CPA6: variants seen among roughly 807,000 people sequenced by gnomAD.
The protein encoded by CPA6 is carboxypeptidase B.
CPA6 carries 58 observed loss-of-function variants against 63.3 expected under a neutral mutation model. That is an observed-to-expected ratio of 0.92 (90% CI 0.74 to 1.14). The LOEUF (loss-of-function observed/expected upper bound fraction) is 1.14, where lower values mean the gene tolerates loss of function less well. CPA6 is among the 50% of genes most tolerant of loss of function. CPA6 has a pLI of 0.00. For missense variants in CPA6, 565 were observed against 526.6 expected (o/e 1.07, Z -0.71); for synonymous variants, 185 against 179.0 (o/e 1.03, Z -0.27).
rs898135510 is a variant in CPA6, at chr8:67,577,008, C to T, written c.192+47168G>A. ...CCTCCCCAGTAGCTGGAATTACAGG[C>T]GCCTGCTACCACACCTGGCTAATTT... is the stretch of plus-strand genomic sequence containing the variant. On this transcript the variant is annotated intron_variant, in intron 2 of 10. Coordinates refer to ENST00000297770, the MANE Select transcript of CPA6 (RefSeq NM_020361.5). Among the ~76,000 whole-genome samples the T allele has an allele frequency of 4.6e-5, 7 of 152,036 alleles. 1 individual carries two copies. The highest frequency in any genetic ancestry group is 5.9e-5 in the Non-Finnish European group (4 of 68,014).
intron 2 of CPA6, among the ~76,000 whole-genome samples, chr8:67,568,199 T>C (rs572794813): frequency 6.6e-6 from 1 of 152,200 alleles, no homozygotes; most frequent in South Asian, 2.1e-4. Flanking sequence ...AAGTTGGCTT[T>C]CTCTATAAAG....
chr8:67,520,803 T>C (rs1298708227), intron 2 of CPA6, among the ~76,000 whole-genome samples: 3 of 152,274 alleles, frequency 2.0e-5, no homozygotes, highest in Non-Finnish European at 4.4e-5. Context: ...CGTAATTTAC[T>C]GACCCAGTTC....
At chr8:67,724,416 T>A (rs1208902232) in intron 1 of CPA6, among the ~76,000 whole-genome samples, 1 of 152,216 alleles carries the variant, frequency 6.6e-6, no homozygotes, top group Non-Finnish European at 1.5e-5. Flanking sequence ...AGCAGCTCAA[T>A]GCTTCTTGAA....
At chr8:67,470,654 T>C (rs1027898380) in intron 8 of CPA6, among the ~76,000 whole-genome samples, 1 of 152,220 alleles carries the variant, frequency 6.6e-6, no homozygotes, top group African/African-American at 2.4e-5. Flanking sequence ...GAAGTGTTTA[T>C]ATAAAAACGA....
At chr8:67,734,236 G>A (rs73254268) in intron 1 of CPA6, among the ~76,000 whole-genome samples, 173 of 151,792 alleles carry the variant, frequency 1.1e-3, no homozygotes, top group Non-Finnish European at 1.7e-3. Flanking sequence ...CAGGCATTGG[G>A]GGGAGCAAAC....
At chr8:67,664,971 T>C (rs1256236321) in intron 1 of CPA6, among the ~76,000 whole-genome samples, 2 of 152,134 alleles carry the variant, frequency 1.3e-5, no homozygotes. Flanking sequence ...ACCTAGGTAC[T>C]ACCTAGGAAA....
chr8:67,607,246 CTT>C (rs1564021518), intron 2 of CPA6, among the ~76,000 whole-genome samples: 13 of 115,556 alleles, frequency 1.1e-4, no homozygotes, highest in Non-Finnish European at 1.2e-4. Flanking sequence ...TCTTCTTCTT[CTT>C]CTTCTCCTCC....
At chr8:67,546,561 C>T (rs1376621988) in intron 2 of CPA6, among the ~76,000 whole-genome samples, 2 of 152,122 alleles carry the variant, frequency 1.3e-5, no homozygotes, top group African/African-American at 2.4e-5. Flanking sequence ...TTCTTGTATA[C>T]CACTGTTTCT....
intron 2 of CPA6, among the ~76,000 whole-genome samples, chr8:67,557,816 A>G (rs1291190445): frequency 6.6e-6 from 1 of 152,204 alleles, no homozygotes; most frequent in Admixed American, 6.5e-5. Flanking sequence ...AATTTTCAGG[A>G]GAAACTAGCC....
chr8:67,736,782 T>C (rs371437478), intron 1 of CPA6, among the ~76,000 whole-genome samples: 4 of 152,346 alleles, frequency 2.6e-5, no homozygotes, highest in South Asian at 4.1e-4. Flanking sequence ...CTGGGCACTT[T>C]ATAGGCAGCT....
Position 67,625,242 on chromosome 8 carries a change from A to C in CPA6, c.117-991T>G, listed in dbSNP as rs141740183. On this transcript the variant is annotated intron_variant, in intron 1 of 10. Coordinates refer to ENST00000297770, the MANE Select transcript of CPA6 (RefSeq NM_020361.5). The stretch of plus-strand genomic sequence containing the variant: ...CTCAGATAAAACAAATATAAGTTTC[A>C]ATCTTTAAGACCAGAAGAATCCACC... 3.7e-3 allele frequency among the ~76,000 whole-genome samples: 566 copies of C among 152,292 alleles called. 3 individuals carry two copies. The highest frequency in any genetic ancestry group is 0.013 in the African/African-American group (522 of 41,564).
intron 8 of CPA6, among the ~76,000 whole-genome samples, chr8:67,480,575 T>C (rs1041340408): frequency 5.3e-5 from 8 of 152,352 alleles, no homozygotes; most frequent in Admixed American, 4.6e-4. Flanking sequence ...CATCAGTTGA[T>C]AGACATTTGG....
intron 2 of CPA6, among the ~76,000 whole-genome samples, chr8:67,596,985 T>A (rs188381663): frequency 6.6e-6 from 1 of 152,212 alleles, no homozygotes; most frequent in Non-Finnish European, 1.5e-5. Context: ...GGTACTGACT[T>A]ATCCTATTAT....
intron 8 of CPA6, among the ~76,000 whole-genome samples, chr8:67,439,585 G>A (rs1483005830): frequency 1.5e-5 from 2 of 133,210 alleles, no homozygotes; most frequent in Non-Finnish European, 1.5e-5. Context: ...GCAAGACTCG[G>A]TCTCAAAAAA....
intron 2 of CPA6, among the ~76,000 whole-genome samples, chr8:67,530,106 A>G (rs2128968797): frequency 6.6e-6 from 1 of 152,326 alleles, no homozygotes; most frequent in Non-Finnish European, 1.5e-5. Flanking sequence ...ATGCTTTAAT[A>G]AAGGAACAAT....
chr8:67,630,581 G>T (rs569171937), intron 1 of CPA6, among the ~76,000 whole-genome samples: 1 of 152,224 alleles, frequency 6.6e-6, no homozygotes, highest in South Asian at 2.1e-4. Context: ...GGCAGCCCTC[G>T]CTCCCTCTCA....
At chr8:67,518,085 G>T (rs767426019) in intron 2 of CPA6, 38 bp from the exon 3 acceptor site, 1 of 1,491,914 alleles carries the variant, frequency 6.7e-7, no homozygotes, top group Non-Finnish European at 8.9e-7. Flanking sequence ...CATATCCAAC[G>T]TAGGGGGGGA....
chr8:67,711,741 C>T (rs182845221), intron 1 of CPA6, among the ~76,000 whole-genome samples: 17 of 149,364 alleles, frequency 1.1e-4, no homozygotes, highest in African/African-American at 3.5e-4. Flanking sequence ...GATGGAGGGG[C>T]ACCTTACACC....
At position 67,639,212 on chromosome 8, in the gene CPA6, C is replaced by G. The variant is rs138950693; in HGVS notation, c.117-14961G>C. Among the ~76,000 whole-genome samples, 43 of 151,698 alleles carry G rather than the reference C, an allele frequency of 2.8e-4. 2 individuals are homozygous for G. Among genetic ancestry groups the G allele is most frequent in the African/African-American group, 1.0e-3 (41 of 40,978 alleles). On this transcript the variant is annotated intron_variant, in intron 1 of 10. Coordinates refer to ENST00000297770, the MANE Select transcript of CPA6 (RefSeq NM_020361.5). ...GCTGGCCATACAGTCTCTATTGCTA[C>G]TGTTATGGGATTCTTGGGGTGTTGC...
Sources: gnomAD v4.1 joint callset for allele counts (sites outside exome capture counted in the v4.1 genomes callset) on GRCh38, gnomAD v4.1.1 for gene constraint, MANE v1.5 for transcripts, NCBI Gene and HGNC (gene_info 2026-07-23, HGNC 2026-07-21) for gene names.